The following CDH12 variants were observed in gnomAD, a reference collection of about 807,000 sequenced individuals.
The protein encoded by CDH12 is cadherin-12.
CDH12 carries 41 observed loss-of-function variants against 74.1 expected under a neutral mutation model. That is an observed-to-expected ratio of 0.55 (90% CI 0.43 to 0.72). The LOEUF is 0.72. Ranked by LOEUF, CDH12 falls within the 30% of genes least tolerant of loss-of-function variation. The pLI is 0.00. For synonymous variants in CDH12, 399 were observed against 355.0 expected (o/e 1.12, Z -1.39); for missense variants, 945 against 977.2 (o/e 0.97, Z 0.44).
chr5:22,519,639 G>A (rs1048287782), intron 1 of CDH12, among the ~76,000 whole-genome samples: 2 of 151,920 alleles, frequency 1.3e-5, no homozygotes, highest in African/African-American at 4.8e-5. Context: ...TAGTCAGGAT[G>A]GTCTTGATCT....
intron 2 of CDH12, among the ~76,000 whole-genome samples, chr5:22,487,700 C>T (rs1214822603): frequency 1.2e-4 from 19 of 152,044 alleles, no homozygotes; most frequent in Admixed American, 1.2e-3. Context: ...GCAAAAAAAT[C>T]AGTACAAAAT....
At chr5:22,553,554 A>G (rs1738669775) in intron 1 of CDH12, among the ~76,000 whole-genome samples, 1 of 152,190 alleles carries the variant, frequency 6.6e-6, no homozygotes, top group South Asian at 2.1e-4. Context: ...ATACTTAGGT[A>G]TAAATCTAAC....
intron 6 of CDH12, among the ~76,000 whole-genome samples, chr5:21,882,216 G>A (rs1403153039): frequency 1.3e-5 from 2 of 152,060 alleles, no homozygotes; most frequent in Non-Finnish European, 2.9e-5. Context: ...TCCATTACTG[G>A]AAGTCACATT....
chr5:22,107,013 C>A (rs1744483881), intron 4 of CDH12, among the ~76,000 whole-genome samples: 1 of 152,080 alleles, frequency 6.6e-6, no homozygotes, highest in African/African-American at 2.4e-5. Context: ...TTGTCCTTAG[C>A]TTCTTTCCTT....
At chr5:21,786,689 A>G (rs1746216977) in intron 10 of CDH12, among the ~76,000 whole-genome samples, 1 of 152,224 alleles carries the variant, frequency 6.6e-6, no homozygotes, top group Admixed American at 6.5e-5. Context: ...ACAGTTTGTA[A>G]GGCTATAGCT....
intron 3 of CDH12, among the ~76,000 whole-genome samples, chr5:22,238,253 C>A (rs1418261906): frequency 6.6e-6 from 1 of 152,194 alleles, no homozygotes; most frequent in Non-Finnish European, 1.5e-5. Context: ...CAAACATTGC[C>A]ATTTATCACC....
chr5:22,348,882 C>A (rs933468620), intron 3 of CDH12, among the ~76,000 whole-genome samples: 5 of 152,118 alleles, frequency 3.3e-5, no homozygotes, highest in African/African-American at 4.8e-5. Flanking sequence ...TAGCAAAGAG[C>A]CTGGCATATA....
intron 1 of CDH12, among the ~76,000 whole-genome samples, chr5:22,681,129 A>G: frequency 6.6e-6 from 1 of 152,090 alleles, no homozygotes; most frequent in Admixed American, 6.6e-5. Context: ...ATAGAAAATA[A>G]CCAAAATTTT....
At chr5:22,221,271 A>C (rs1752005972) in intron 3 of CDH12, among the ~76,000 whole-genome samples, 1 of 151,926 alleles carries the variant, frequency 6.6e-6, no homozygotes, top group South Asian at 2.1e-4. Flanking sequence ...TAATAGACAC[A>C]TATGTTCTTG....
intron 1 of CDH12, among the ~76,000 whole-genome samples, chr5:22,570,426 T>C (rs1397888110): frequency 6.6e-6 from 1 of 152,118 alleles, no homozygotes; most frequent in Non-Finnish European, 1.5e-5. Flanking sequence ...AAGGATGCTG[T>C]GTTCACAGGT....
chr5:22,332,296 T>G (rs988249838), intron 3 of CDH12, among the ~76,000 whole-genome samples: 1 of 152,094 alleles, frequency 6.6e-6, no homozygotes, highest in Non-Finnish European at 1.5e-5. Flanking sequence ...GGAGCTCCAG[T>G]ACACCTAGGC....
intron 4 of CDH12, among the ~76,000 whole-genome samples, chr5:22,087,139 A>G (rs1743118920): frequency 6.6e-6 from 1 of 152,222 alleles, no homozygotes; most frequent in African/African-American, 2.4e-5. Flanking sequence ...TAAAATAATC[A>G]TAGGTAATAA....
intron 3 of CDH12, among the ~76,000 whole-genome samples, chr5:22,311,039 C>G (rs1738366046): frequency 6.6e-6 from 1 of 152,116 alleles, no homozygotes; most frequent in Admixed American, 6.5e-5. Context: ...CTTTAACATA[C>G]TATTTTATAT....
At chr5:22,229,496 G>C (rs896080712) in intron 3 of CDH12, among the ~76,000 whole-genome samples, 1 of 149,746 alleles carries the variant, frequency 6.7e-6, no homozygotes, top group Non-Finnish European at 1.5e-5. Context: ...ATGCTGAAAA[G>C]GCACAAAAGT....
intron 1 of CDH12, among the ~76,000 whole-genome samples, chr5:22,838,827 C>A (rs111439918): frequency 6.6e-6 from 1 of 151,836 alleles, no homozygotes; most frequent in African/African-American, 2.4e-5. Flanking sequence ...TACAGGCACA[C>A]GCCACAATGC....
intron 3 of CDH12, among the ~76,000 whole-genome samples, chr5:22,352,676 C>T (rs1317670262): frequency 1.3e-5 from 2 of 152,122 alleles, no homozygotes; most frequent in Non-Finnish European, 2.9e-5. Context: ...AACCAGTTTG[C>T]CATCTGCTTC....
At chr5:22,743,243 C>T (rs1745115512) in intron 1 of CDH12, among the ~76,000 whole-genome samples, 1 of 143,402 alleles carries the variant, frequency 7.0e-6, no homozygotes. Context: ...TTCTCAGCAT[C>T]CATAATAGCA....
chr5:22,808,647 C>A (rs1201102421), intron 1 of CDH12, among the ~76,000 whole-genome samples: 3 of 127,674 alleles, frequency 2.3e-5, no homozygotes, highest in Admixed American at 9.2e-5. Context: ...CGCTTTGTTG[C>A]CAGTCTGGAG....
intron 3 of CDH12, among the ~76,000 whole-genome samples, chr5:22,369,308 T>A (rs957685994): frequency 2.6e-5 from 4 of 152,146 alleles, no homozygotes; most frequent in African/African-American, 9.6e-5. Context: ...AATATTAAAA[T>A]TTTTTAATAT....
Sources: allele counts gnomAD v4.1 joint callset (sites outside exome capture counted in the v4.1 genomes callset), GRCh38; gene constraint gnomAD v4.1.1; transcripts MANE v1.5; gene names NCBI Gene and HGNC (gene_info 2026-07-23, HGNC 2026-07-21).